The following NSUN6 variants were observed in gnomAD, a reference collection of about 807,000 sequenced individuals.
The protein encoded by NSUN6 is NOP2/Sun RNA methyltransferase 6, also known as tRNA (cytosine(72)-C(5))-methyltransferase NSUN6.
A neutral mutation model predicts 58.0 loss-of-function variants in NSUN6; 64 were observed. The observed-to-expected ratio is 1.10, with a 90% CI of 0.90 to 1.36. NSUN6 has a LOEUF of 1.36. Among genes scored for constraint, NSUN6 ranks in the 40% most tolerant of loss-of-function variants. The pLI, the probability that NSUN6 is intolerant of heterozygous loss-of-function variation, is 0.00. For synonymous variants in NSUN6, 231 were observed against 193.9 expected, an observed-to-expected ratio of 1.19 and a Z score of -1.59; for missense variants, 701 against 550.1, an observed-to-expected ratio of 1.27 and a Z score of -2.74.
At chr10:18,554,844 A>ATG (rs2054866538) in intron 8 of NSUN6, among the ~76,000 whole-genome samples, 2 of 151,816 alleles carry the variant, frequency 1.3e-5, no homozygotes, top group South Asian at 4.2e-4. Context: ...ACGGCATGGA[A>ATG]TGGAATGGAG....
upstream of NSUN6, chr10:18,652,129 C>G: frequency 1.0e-6 from 1 of 985,216 alleles, no homozygotes; most frequent in Non-Finnish European, 1.2e-6. Flanking sequence ...TTAAAACCCA[C>G]AGACAGTGTT....
At chr10:18,603,842 T>C (rs2131277705) in intron 6 of NSUN6, among the ~76,000 whole-genome samples, 1 of 152,262 alleles carries the variant, frequency 6.6e-6, no homozygotes, top group South Asian at 2.1e-4. Flanking sequence ...AAGCTGAAAG[T>C]GAGTTACTGC....
chr10:18,573,167 C>T (rs2056472127), intron 8 of NSUN6, among the ~76,000 whole-genome samples: 1 of 151,500 alleles, frequency 6.6e-6, no homozygotes, highest in Non-Finnish European at 1.5e-5. Flanking sequence ...CCATTCCATT[C>T]CACTGTCCAT....
At chr10:18,558,973 AG>A (rs2055268560) in intron 8 of NSUN6, among the ~76,000 whole-genome samples, 2 of 151,020 alleles carry the variant, frequency 1.3e-5, no homozygotes, top group Non-Finnish European at 3.0e-5. Context: ...AGAATGGAAA[AG>A]AATGGAATGG....
chr10:18,658,945 C>T (rs1590220217), upstream of NSUN6, among the ~76,000 whole-genome samples: 1 of 152,206 alleles, frequency 6.6e-6, no homozygotes, highest in East Asian at 1.9e-4. Flanking sequence ...ACTCCTAACC[C>T]CTAGCACGCC....
At chr10:18,615,525 T>C (rs1336192648) in intron 4 of NSUN6, among the ~76,000 whole-genome samples, 3 of 152,136 alleles carry the variant, frequency 2.0e-5, no homozygotes. Context: ...CACAACATTT[T>C]AAAAAGGAAA....
chr10:18,613,910 G>C (rs974575591), intron 5 of NSUN6, among the ~76,000 whole-genome samples: 3 of 152,124 alleles, frequency 2.0e-5, no homozygotes, highest in African/African-American at 7.2e-5. Context: ...TAAAATAAGA[G>C]CCTGGATTTT....
intron 3 of NSUN6, among the ~76,000 whole-genome samples, chr10:18,620,091 A>T (rs992915457): frequency 3.2e-4 from 47 of 147,814 alleles, no homozygotes; most frequent in Non-Finnish European, 5.8e-4. Context: ...AATAAAAAAA[A>T]TTTTTTTTTT....
intron 7 of NSUN6, among the ~76,000 whole-genome samples, chr10:18,586,973 A>C (rs1233890943): frequency 6.6e-6 from 1 of 152,210 alleles, no homozygotes; most frequent in Non-Finnish European, 1.5e-5. Flanking sequence ...AGGTTCTCCA[A>C]GTCCCCACTC....
intron 5 of NSUN6, among the ~76,000 whole-genome samples, chr10:18,610,646 G>C (rs547388276): frequency 2.4e-4 from 36 of 152,264 alleles, no homozygotes; most frequent in African/African-American, 8.7e-4. Context: ...CATTGAAAAT[G>C]ATCAGAGCAG....
chr10:18,590,194 A>C (rs1027471506), intron 7 of NSUN6, among the ~76,000 whole-genome samples: 10 of 152,238 alleles, frequency 6.6e-5, no homozygotes, highest in African/African-American at 2.2e-4. Flanking sequence ...GGGTCAATGC[A>C]ACAAGAAGAG....
At position 18,580,512 on chromosome 10, in the gene NSUN6, G is replaced by A. The variant is rs1018754666; in HGVS notation, c.922+5437C>T. Among the ~76,000 whole-genome samples, 4 of 152,242 alleles carry A rather than the reference G, an allele frequency of 2.6e-5. No homozygotes were observed. In the South Asian group the frequency reaches 6.2e-4, roughly 24 times the overall value. The stretch of plus-strand genomic sequence containing the variant: ...CCAGATAAGAGCCAGAGAACTGGGG[G>A]CTATCTTCCTCCACCCAGCCCCCAT... On this transcript the variant is annotated intron_variant, in intron 8 of 10. Transcript: ENST00000377304.
intron 4 of NSUN6, 36 bp downstream of exon 4, chr10:18,616,148 G>C: frequency 4.4e-6 from 5 of 1,149,184 alleles, no homozygotes; most frequent in Non-Finnish European, 6.5e-6. Context: ...ATAAATTTTA[G>C]AGAACCTTAA....
At chr10:18,588,085 T>G (rs1217908860) in intron 7 of NSUN6, among the ~76,000 whole-genome samples, 4 of 152,064 alleles carry the variant, frequency 2.6e-5, no homozygotes, top group African/African-American at 9.7e-5. Context: ...CCGAGCTTGG[T>G]GGGCATCCGC....
In NSUN6 at chr10:18,578,231, A is replaced by ATTTTTTT. The variant is rs71402184; in HGVS notation, c.922+7711_922+7717dup. Among the ~76,000 whole-genome samples, 81 of 121,122 alleles carry ATTTTTTT rather than the reference A, an allele frequency of 6.7e-4. 2 individuals are homozygous for ATTTTTTT. Among genetic ancestry groups the ATTTTTTT allele is most frequent in the Non-Finnish European group, 8.2e-4 (50 of 60,830 alleles). 79.5% of individuals were successfully genotyped at this position (121,122 alleles called of 152,430 possible). ...TCCATGGAGCCTCTTCTCTAAGCCT[A>ATTTTTTT]TTTTTTTTTTTTTTTTTTTGAGATG... On this transcript the variant is annotated intron_variant, in intron 8 of 10. Coordinates refer to ENST00000377304, the MANE Select transcript of NSUN6 (RefSeq NM_182543.5).
In NSUN6 at chr10:18,585,935, T is replaced by C. The variant is rs1163549350; in HGVS notation, c.922+14A>G. On this transcript the variant is annotated intron_variant, in intron 8 of 10. Transcript: ENST00000377304. ...GATCTGTCAATTAAAAATAAGAAAA[T>C]CAAAATAGCTCACCTTCTGTGTCCT... is the stretch of plus-strand genomic sequence containing the variant. The C allele has an allele frequency of 1.9e-6, 3 of 1,574,256 alleles. No individual in the cohort carries two copies. In the African/African-American group the frequency reaches 4.1e-5, roughly 22 times the overall value.
At position 18,561,923 on chromosome 10, in the gene NSUN6, G is replaced by C. The variant is rs529310021; in HGVS notation, c.923-9952C>G. Among the ~76,000 whole-genome samples, 6 of 149,896 alleles carry C rather than the reference G, an allele frequency of 4.0e-5. No individual in the cohort carries two copies. The South Asian group carries it at 1.1e-3, about 26-fold the overall frequency. On this transcript the variant is annotated intron_variant, in intron 8 of 10. Coordinates refer to ENST00000377304, the MANE Select transcript of NSUN6 (RefSeq NM_182543.5). ...GGACAATGGAAAGAAATGGAGAATG[G>C]AATGAATGGAATGGAGAATGGAAAA...
chr10:18,595,796 ATATGTT>A (rs1175023129), intron 7 of NSUN6, among the ~76,000 whole-genome samples: 3 of 152,132 alleles, frequency 2.0e-5, no homozygotes, highest in Non-Finnish European at 4.4e-5. Flanking sequence ...ATGTATGTGT[ATATGTT>A]TATGTATTAT....
At chr10:18,654,125 T>G (rs2059751847), upstream of NSUN6, among the ~76,000 whole-genome samples, 1 of 152,164 alleles carries the variant, frequency 6.6e-6, no homozygotes, top group Non-Finnish European at 1.5e-5. Context: ...CCCTCGAGTC[T>G]CACTCTGTCG....
Sources: gnomAD v4.1 joint callset for allele counts (sites outside exome capture counted in the v4.1 genomes callset) on GRCh38, gnomAD v4.1.1 for gene constraint, MANE v1.5 for transcripts, NCBI Gene and HGNC (gene_info 2026-07-23, HGNC 2026-07-21) for gene names.